Variants in ABCC6 observed in about 807,000 individuals in gnomAD.
ABCC6 encodes ATP binding cassette subfamily C member 6.
In ABCC6, 126 loss-of-function variants were observed where a neutral mutation model predicts 169.5. That is an observed-to-expected ratio of 0.74 (90% CI 0.64 to 0.86). ABCC6 has a LOEUF of 0.86. Among genes scored for constraint, ABCC6 ranks in the 40% least tolerant of loss-of-function variants. The probability of loss-of-function intolerance (pLI) is 0.00; values close to 1 mark genes in which losing one functional copy is unlikely to be tolerated. For synonymous variants in ABCC6, 752 were observed against 814.7 expected (o/e 0.92, Z 1.31); for missense variants, 1,733 against 1,927.2 (o/e 0.90, Z 1.89).
chr16:16,150,205 G>A lies in ABCC6; in HGVS notation c.4440C>T (p.Ser1480=), dbSNP rs548798705. 1.2e-5 allele frequency: 19 copies of A among 1,613,958 alleles called. No individual in the cohort carries two copies. The highest frequency in any genetic ancestry group is 7.7e-5 in the South Asian group (7 of 91,074). Residue 1480 remains serine (S), a synonymous_variant, in exon 31 of 31, where the codon AGC becomes AGT. Coordinates refer to ENST00000205557, the MANE Select transcript of ABCC6 (RefSeq NM_001171.6). ...GGGCCAGCAGCTGGGCCGGGCTGCCGCTCTCTGCCACCTGCCCCTTGTCCA... is the reference window on the plus strand; with the variant it reads ...GGGCCAGCAGCTGGGCCGGGCTGCCACTCTCTGCCACCTGCCCCTTGTCCA... ...LVMDKGQVAE[S]GSPAQLLAQK... is the part of the protein sequence containing the mutation.
intron 14 of ABCC6, among the ~76,000 whole-genome samples, chr16:16,185,430 G>C (rs2047621927): frequency 6.6e-6 from 1 of 152,222 alleles, no homozygotes; most frequent in Non-Finnish European, 1.5e-5. Flanking sequence ...GAAAAAGTTA[G>C]TGAATTTCTG....
chr16:16,184,589 C>G (rs2239324), intron 15 of ABCC6, among the ~76,000 whole-genome samples: 1 of 151,874 alleles, frequency 6.6e-6, no homozygotes, highest in Non-Finnish European at 1.5e-5. Flanking sequence ...ATCATGACCT[C>G]GGACTGATAC....
chr16:16,169,654 C>T lies in ABCC6; in HGVS notation c.2987G>A (p.Cys996Tyr), dbSNP rs1367317895. Residue 996 changes from cysteine to tyrosine, a missense_variant, in exon 22 of 31, where the codon TGT becomes TAT. Cys to Tyr is a radical substitution (Grantham distance 194). Transcript: ENST00000205557. ...GGGCAGGTGAGGCGTACCTTGGAGA[C>T]AGCCGAGGAGCCCGAAGATCCCGCC... ...LRGGIFGLLG[C>Y]LQAIGLFASM... The T allele has an allele frequency of 6.2e-7, 1 of 1,610,718 alleles. No homozygotes were observed. The highest frequency in any genetic ancestry group is 1.3e-5 in the African/African-American group (1 of 74,954).
chr16:16,202,616 G>C (rs570095165), intron 8 of ABCC6, among the ~76,000 whole-genome samples: 18 of 151,808 alleles, frequency 1.2e-4, no homozygotes, highest in African/African-American at 4.4e-4. Context: ...GGAGACACCA[G>C]GGGGCGCAAA....
At chr16:16,193,505 G>A (rs1397724495) in intron 10 of ABCC6, among the ~76,000 whole-genome samples, 1 of 152,162 alleles carries the variant, frequency 6.6e-6, no homozygotes, top group Non-Finnish European at 1.5e-5. Context: ...CCTGAGGTCA[G>A]GAGTTTGAGA....
chr16:16,194,533 G>A (rs979121156), intron 10 of ABCC6, among the ~76,000 whole-genome samples: 13 of 152,164 alleles, frequency 8.5e-5, no homozygotes, highest in African/African-American at 2.9e-4. Flanking sequence ...ATGTGGAAGT[G>A]GGGGGTAGAA....
At chr16:16,159,404 C>T (rs1041519747) in intron 26 of ABCC6, 78 bp downstream of exon 26, 12 of 1,313,332 alleles carry the variant, frequency 9.1e-6, no homozygotes, top group African/African-American at 3.1e-5. Flanking sequence ...AAGCCTGTAG[C>T]AGATGTCAAC....
chr16:16,182,850 G>A lies in ABCC6; in HGVS notation c.2024C>T (p.Ala675Val), dbSNP rs1381261089. The A allele has an allele frequency of 6.2e-7, 1 of 1,613,962 alleles. No homozygotes were observed. Among genetic ancestry groups the A allele is most frequent in the East Asian group, 2.2e-5 (1 of 44,876 alleles). The change falls in exon 16 of 31, where the codon GCC becomes GTC. Residue 675 changes from alanine (A) to valine (V), a missense_variant. By Grantham distance (64) the Ala-to-Val change is moderately conservative (BLOSUM62 0). Transcript: ENST00000205557. Reference sequence around the variant, plus strand: ...CACCTTTGACAGCTCCCCAAGGAGGGCGGACAGCAGGGAGGACTTCCCTGC... The same window carrying A: ...CACCTTTGACAGCTCCCCAAGGAGGACGGACAGCAGGGAGGACTTCCCTGC... ...VGAGKSSLLS[A>V]LLGELSKVEG...
At chr16:16,183,449 A>G (rs1047026130) in intron 15 of ABCC6, among the ~76,000 whole-genome samples, 1 of 152,080 alleles carries the variant, frequency 6.6e-6, no homozygotes, top group Non-Finnish European at 1.5e-5. Flanking sequence ...CAGTGACCAG[A>G]GGGATCTGTT....
chr16:16,170,103 T>TTA (rs1555510539), intron 21 of ABCC6, among the ~76,000 whole-genome samples: 1 of 151,322 alleles, frequency 6.6e-6, no homozygotes, highest in Non-Finnish European at 1.5e-5. Context: ...CTTTTGTTTT[T>TTA]TTTTTGAGGA....
chr16:16,208,393 T>A (rs1322735706), intron 7 of ABCC6, among the ~76,000 whole-genome samples: 1 of 151,474 alleles, frequency 6.6e-6, no homozygotes, highest in South Asian at 2.1e-4. Context: ...TTTTTTTTGA[T>A]ACGGAGTCTG....
intron 30 of ABCC6, 117 bp from the exon 31 acceptor site, chr16:16,150,358 C>A (rs889460803): frequency 1.3e-6 from 2 of 1,547,976 alleles, no homozygotes; most frequent in Non-Finnish European, 1.8e-6. Context: ...GCTTTCCATG[C>A]GGCTCCCTGG....
At position 16,214,507 on chromosome 16, in the gene ABCC6, A is replaced by G. The variant is rs2048778434; in HGVS notation, c.475-58T>C. The G allele has an allele frequency of 1.9e-6, 3 of 1,551,126 alleles. No individual in the cohort carries two copies. The Admixed American group carries it at 5.9e-5, about 30-fold the overall frequency. Reference sequence around the variant, plus strand: ...AGACAGAGGAGGGTGCTCAGAGGAGAGAAAAGGTTTCTGATCTTGGGTCAG... The same window carrying G: ...AGACAGAGGAGGGTGCTCAGAGGAGGGAAAAGGTTTCTGATCTTGGGTCAG... On this transcript the variant is annotated intron_variant, in intron 4 of 30. Transcript: ENST00000205557.
At chr16:16,187,928 T>G (rs2047705836) in intron 13 of ABCC6, among the ~76,000 whole-genome samples, 1 of 148,334 alleles carries the variant, frequency 6.7e-6, no homozygotes, top group African/African-American at 2.5e-5. Flanking sequence ...AATAAATAAA[T>G]AAATAAATAA....
intron 8 of ABCC6, among the ~76,000 whole-genome samples, 184 bp from the exon 9 acceptor site, chr16:16,202,362 C>T (rs975348968): frequency 6.6e-6 from 1 of 151,794 alleles, no homozygotes; most frequent in African/African-American, 2.4e-5. Flanking sequence ...GTCCATACTC[C>T]TTTTCAATCT....
In ABCC6 at chr16:16,204,843, T is replaced by C. The variant is rs1478345361; in HGVS notation, c.795-1230A>G. ...TTCTTTTTCTTTTTCTTTTCTTTTT[T>C]TTTTTTTTTGAGACAGAGTTTCGCT... On this transcript the variant is annotated intron_variant, in intron 7 of 30. Transcript: ENST00000205557. Among the ~76,000 whole-genome samples the C allele has an allele frequency of 2.6e-5, 4 of 151,118 alleles. 1 individual carries two copies. The highest frequency in any genetic ancestry group is 4.9e-5 in the African/African-American group (2 of 41,218).
At chr16:16,218,856 AAAATTTTTAGTAGAAATTTAGTAG>A (rs1441242771) in intron 4 of ABCC6, among the ~76,000 whole-genome samples, 3 of 50,170 alleles carry the variant, frequency 6.0e-5, no homozygotes, top group African/African-American at 9.1e-5. Flanking sequence ...TAAAAATACA[AAAATTTTTAGTAGAAATTTAGTAG>A]AAATTTTTAG....
At chr16:16,207,904 ATGACTAAC>A (rs1223379860) in intron 7 of ABCC6, among the ~76,000 whole-genome samples, 2 of 151,272 alleles carry the variant, frequency 1.3e-5, no homozygotes, top group African/African-American at 4.9e-5. Context: ...CACCCTCTGG[ATGACTAAC>A]AGTGCTTGAG....
chr16:16,191,778 C>T (rs539264553), intron 11 of ABCC6, among the ~76,000 whole-genome samples: 121 of 150,596 alleles, frequency 8.0e-4, no homozygotes, highest in Non-Finnish European at 6.2e-4. Context: ...CCCTCCTTTT[C>T]TCTCCTTCCC....
Sources: gnomAD v4.1 joint callset for allele counts (sites outside exome capture counted in the v4.1 genomes callset) on GRCh38, gnomAD v4.1.1 for gene constraint, MANE v1.5 for transcripts, NCBI Gene and HGNC (gene_info 2026-07-23, HGNC 2026-07-21) for gene names.